Variants in UPK1B observed in about 807,000 individuals in gnomAD.
UPK1B encodes the protein uroplakin 1B.
UPK1B carries 28 observed loss-of-function variants against 34.2 expected under a neutral mutation model. The ratio of observed to expected loss-of-function variants is 0.82; its 90% confidence interval spans 0.61 to 1.12. UPK1B has a LOEUF of 1.12. UPK1B is among the 50% of genes most tolerant of loss of function. UPK1B has a pLI of 0.00. For synonymous variants in UPK1B, 81 were observed against 110.4 expected, an observed-to-expected ratio of 0.73 and a Z score of 1.67; for missense variants, 325 against 320.9, an observed-to-expected ratio of 1.01 and a Z score of -0.10.
At chr3:119,177,329 G>A (rs2077961610) in intron 1 of UPK1B, among the ~76,000 whole-genome samples, 1 of 152,198 alleles carries the variant, frequency 6.6e-6, no homozygotes, top group Non-Finnish European at 1.5e-5. Flanking sequence ...GACGTAAAGG[G>A]AAGTGGATCT....
intron 5 of UPK1B, among the ~76,000 whole-genome samples, chr3:119,192,247 C>A (rs774793573): frequency 1.8e-4 from 28 of 152,016 alleles, no homozygotes; most frequent in African/African-American, 6.5e-4. Flanking sequence ...CTTTTATCAC[C>A]CCTTTCATGT....
At position 119,204,465 on chromosome 3, in the gene UPK1B, G is replaced by C. The variant is rs1258538280; in HGVS notation, c.*498G>C. The C allele has an allele frequency of 1.3e-5, 2 of 154,392 alleles. No homozygotes were observed. The highest frequency in any genetic ancestry group is 2.9e-5 in the Non-Finnish European group (2 of 69,458). 9.6% of individuals were successfully genotyped at this position (154,392 alleles called of 1,614,324 possible). ...TAGAGTAGCTCCCATATATGGAGAT[G>C]GGTGATTCTCTTGATGCCACCTTCA... On this transcript the variant is annotated 3_prime_UTR_variant, in exon 8 of 8. Coordinates refer to ENST00000264234, the MANE Select transcript of UPK1B (RefSeq NM_006952.4).
chr3:119,203,340 C>CAAAAAAA (rs55752613), intron 7 of UPK1B, among the ~76,000 whole-genome samples: 44 of 62,016 alleles, frequency 7.1e-4, no homozygotes, highest in African/African-American at 1.7e-3. Context: ...AACTCCGTCT[C>CAAAAAAA]AAAAAAAAAA....
intron 5 of UPK1B, among the ~76,000 whole-genome samples, chr3:119,191,553 A>G (rs547789554): frequency 6.0e-4 from 91 of 152,240 alleles, no homozygotes; most frequent in African/African-American, 2.2e-3. Flanking sequence ...GCAAATTGTT[A>G]TCCTCTACAT....
At chr3:119,197,316 C>T (rs1184006191) in intron 6 of UPK1B, among the ~76,000 whole-genome samples, 1 of 152,106 alleles carries the variant, frequency 6.6e-6, no homozygotes, top group Non-Finnish European at 1.5e-5. Context: ...AAGTAAAGTA[C>T]CACTAAATTG....
chr3:119,186,527 AG>A (rs1408731346), intron 1 of UPK1B, among the ~76,000 whole-genome samples, 186 bp from the exon 2 acceptor site: 1 of 152,222 alleles, frequency 6.6e-6, no homozygotes, highest in Admixed American at 6.5e-5. Flanking sequence ...AGGCTCTGGA[AG>A]GCTATATTCT....
chr3:119,176,258 T>G (rs576901246), intron 1 of UPK1B: 2 of 152,176 alleles, frequency 1.3e-5, no homozygotes, highest in African/African-American at 2.4e-5. Context: ...ACAACAAACT[T>G]GGGTGAGGAA....
chr3:119,177,543 G>A (rs559048098), intron 1 of UPK1B, among the ~76,000 whole-genome samples: 2 of 152,288 alleles, frequency 1.3e-5, no homozygotes, highest in East Asian at 1.9e-4. Flanking sequence ...GCCGTGAACA[G>A]GCACCTGGCC....
chr3:119,198,007 A>ATCAG (rs1179156614), intron 6 of UPK1B, among the ~76,000 whole-genome samples: 1 of 152,180 alleles, frequency 6.6e-6, no homozygotes, highest in African/African-American at 2.4e-5. Flanking sequence ...CATAAAGGAG[A>ATCAG]TCAGTATGAC....
intron 1 of UPK1B, among the ~76,000 whole-genome samples, chr3:119,184,415 T>C (rs1207484974): frequency 6.6e-6 from 1 of 152,030 alleles, no homozygotes; most frequent in East Asian, 1.9e-4. Flanking sequence ...ACCCACGCTG[T>C]AATTGCACTT....
At chr3:119,183,166 C>A (rs924285165) in intron 1 of UPK1B, among the ~76,000 whole-genome samples, 1 of 152,232 alleles carries the variant, frequency 6.6e-6, no homozygotes, top group East Asian at 1.9e-4. Flanking sequence ...GAGTGTTTAG[C>A]AAATGATCTG....
intron 6 of UPK1B, among the ~76,000 whole-genome samples, chr3:119,197,480 T>TCCC (rs2078072082): frequency 6.6e-6 from 1 of 152,202 alleles, no homozygotes; most frequent in Non-Finnish European, 1.5e-5. Flanking sequence ...TATATATTAT[T>TCCC]AGATGAACGA....
chr3:119,184,791 C>T (rs928502458), intron 1 of UPK1B, among the ~76,000 whole-genome samples: 2 of 152,146 alleles, frequency 1.3e-5, no homozygotes, highest in Non-Finnish European at 2.9e-5. Flanking sequence ...TCACACAGTA[C>T]ATAATCAGTA....
intron 2 of UPK1B, 31 bp downstream of exon 2, chr3:119,186,841 G>T (rs1310606717): frequency 2.5e-6 from 4 of 1,600,170 alleles, no homozygotes; most frequent in Non-Finnish European, 3.4e-6. Flanking sequence ...AGGAAATTCT[G>T]CACTTCCTGT....
At chr3:119,185,138 T>C (rs1179166682) in intron 1 of UPK1B, among the ~76,000 whole-genome samples, 1 of 152,232 alleles carries the variant, frequency 6.6e-6, no homozygotes, top group African/African-American at 2.4e-5. Context: ...GATTCTTCCA[T>C]TTCTCCAGCA....
At chr3:119,189,286 T>A (rs2078033621) in intron 3 of UPK1B, among the ~76,000 whole-genome samples, 1 of 152,208 alleles carries the variant, frequency 6.6e-6, no homozygotes, top group Non-Finnish European at 1.5e-5. Context: ...AGAGCTTTAT[T>A]CTGGGCTGAG....
At chr3:119,185,954 T>A (rs2078015952) in intron 1 of UPK1B, among the ~76,000 whole-genome samples, 2 of 152,002 alleles carry the variant, frequency 1.3e-5, no homozygotes, top group Non-Finnish European at 2.9e-5. Flanking sequence ...GACTCTGGAG[T>A]CACACACACC....
At chr3:119,201,065 T>G (rs1464928889) in intron 7 of UPK1B, among the ~76,000 whole-genome samples, 2 of 152,124 alleles carry the variant, frequency 1.3e-5, no homozygotes, top group Non-Finnish European at 2.9e-5. Flanking sequence ...TTACTGCAAG[T>G]GCGTAGCAGT....
At chr3:119,193,237 G>A (rs1183206257) in intron 5 of UPK1B, among the ~76,000 whole-genome samples, 1 of 152,148 alleles carries the variant, frequency 6.6e-6, no homozygotes, top group Non-Finnish European at 1.5e-5. Context: ...ATCCTAGTTT[G>A]AAATAAGCCT....
Sources: allele counts gnomAD v4.1 joint callset (sites outside exome capture counted in the v4.1 genomes callset), GRCh38; gene constraint gnomAD v4.1.1; transcripts MANE v1.5; gene names NCBI Gene and HGNC (gene_info 2026-07-23, HGNC 2026-07-21).